The following WNK2 variants were observed in gnomAD, a reference collection of about 807,000 sequenced individuals.
WNK2 encodes the protein serine/threonine-protein kinase WNK2.
In WNK2, 67 loss-of-function variants were observed where a neutral mutation model predicts 192.1. The observed-to-expected ratio is 0.35, with a 90% CI of 0.29 to 0.43. WNK2 has a LOEUF of 0.43. Ranked by LOEUF, WNK2 falls within the 20% of genes least tolerant of loss-of-function variation. The pLI is 1.00. For synonymous variants in WNK2, 1,439 were observed against 1,393.9 expected (o/e 1.03, Z -0.72); for missense variants, 2,698 against 3,089.7 (o/e 0.87, Z 3.01).
rs552696985 is a variant in WNK2, at chr9:93,256,479, A to G, written c.2190+25A>G. 3.7e-5 allele frequency: 55 copies of G among 1,497,934 alleles called. No individual in the cohort carries two copies. The South Asian group carries it at 6.3e-4, about 17-fold the overall frequency. 92.8% of individuals were successfully genotyped at this position (1,497,934 alleles called of 1,614,324 possible). ...GGTGAGTGTGGCACCTCCTGTGGCC[A>G]CTGTCCCTCCAGGCAGGCAGTCACC... On this transcript the variant is annotated intron_variant, in intron 10 of 29. Coordinates refer to ENST00000427277, the MANE Select transcript of WNK2 (RefSeq NM_006648.4).
At chr9:93,318,044 C>T (rs372704041) in intron 29 of WNK2, 17 of 1,612,254 alleles carry the variant, frequency 1.1e-5, no homozygotes, top group East Asian at 6.7e-5. Flanking sequence ...GTGGTCCACG[C>T]GCCGTCTCCA....
chr9:93,268,296 G>T (rs910956349), intron 18 of WNK2, among the ~76,000 whole-genome samples: 16 of 152,200 alleles, frequency 1.1e-4, no homozygotes, highest in Admixed American at 1.0e-3. Flanking sequence ...TACGCGAGGG[G>T]TCCTCTCGGG....
Position 93,268,691 on chromosome 9 carries a change from C to A in WNK2, c.3978C>A (p.Ala1326=). Residue 1326 remains alanine, a synonymous_variant, in exon 19 of 30, where the codon GCC becomes GCA. Transcript: ENST00000427277. ...CPVAEHPAPE[A]PESSPPLPLS... ...TGGCTGAGCACCCCGCCCCCGAGGC[C>A]CCTGAATCTTCGCCCCCACTTCCTC... is the stretch of plus-strand genomic sequence containing the variant. 6.2e-7 allele frequency: 1 copy of A among 1,613,538 alleles called. No individual in the cohort carries two copies. The highest frequency in any genetic ancestry group is 2.2e-5 in the East Asian group (1 of 44,842).
rs556105325 is a variant in WNK2 at position 93,241,872 on chromosome 9, G to A, written c.1542+1896G>A. 3.9e-5 allele frequency among the ~76,000 whole-genome samples: 6 copies of A among 152,068 alleles called. No homozygotes were observed. The East Asian group carries it at 7.7e-4, about 20-fold the overall frequency. On this transcript the variant is annotated intron_variant, in intron 7 of 29. Transcript: ENST00000427277. The stretch of plus-strand genomic sequence containing the variant: ...TCTCAGCTGGACTTCCTGCAGCCGC[G>A]ACCCCTGAGGAAGGAAGCAGGTGGA...
intron 19 of WNK2, among the ~76,000 whole-genome samples, chr9:93,270,532 T>G: frequency 6.6e-6 from 1 of 152,222 alleles, no homozygotes; most frequent in Non-Finnish European, 1.5e-5. Context: ...TTCAAAGTGC[T>G]ACTGAGCTGG....
intron 26 of WNK2, among the ~76,000 whole-genome samples, chr9:93,303,347 C>T (rs569741824): frequency 7.4e-4 from 112 of 152,276 alleles, no homozygotes; most frequent in Non-Finnish European, 1.3e-3. Context: ...CTGGATCTTC[C>T]CACCTGACCG....
intron 2 of WNK2, among the ~76,000 whole-genome samples, chr9:93,203,511 C>T (rs1299657860): frequency 2.6e-5 from 4 of 152,158 alleles, no homozygotes; most frequent in African/African-American, 9.7e-5. Context: ...GGAGTGGCTG[C>T]GGGGTCCAGG....
chr9:93,186,646 ACT>A (rs1564251692), intron 2 of WNK2, among the ~76,000 whole-genome samples: 1 of 152,098 alleles, frequency 6.6e-6, no homozygotes. Flanking sequence ...ACACTGCGGG[ACT>A]CTTGCATTTT....
chr9:93,304,111 GT>G (rs1340764210), intron 26 of WNK2, among the ~76,000 whole-genome samples: 1 of 152,218 alleles, frequency 6.6e-6, no homozygotes, highest in Non-Finnish European at 1.5e-5. Context: ...CCACTTTTTA[GT>G]CCCCCTGTCC....
At chr9:93,204,057 G>C (rs889061562) in intron 2 of WNK2, among the ~76,000 whole-genome samples, 1 of 152,102 alleles carries the variant, frequency 6.6e-6, no homozygotes, top group African/African-American at 2.4e-5. Context: ...GTGTGTGGTG[G>C]GGGTGTGGGG....
chr9:93,301,459 C>T (rs369261475), intron 26 of WNK2, among the ~76,000 whole-genome samples: 1 of 152,180 alleles, frequency 6.6e-6, no homozygotes, highest in Non-Finnish European at 1.5e-5. Flanking sequence ...CAGGGCTTCC[C>T]GTTCGCCTGT....
chr9:93,303,412 G>T (rs559072624), intron 26 of WNK2, among the ~76,000 whole-genome samples: 4 of 152,212 alleles, frequency 2.6e-5, no homozygotes, highest in African/African-American at 7.2e-5. Flanking sequence ...ATCTCTTTGG[G>T]TTTTCTCCAC....
At chr9:93,240,621 AG>A (rs923087604) in intron 7 of WNK2, among the ~76,000 whole-genome samples, 1 of 152,126 alleles carries the variant, frequency 6.6e-6, no homozygotes, top group Non-Finnish European at 1.5e-5. Context: ...ACAGGGCCAC[AG>A]GCACAGGCAG....
intron 23 of WNK2, among the ~76,000 whole-genome samples, chr9:93,297,096 C>T (rs780973837): frequency 5.6e-5 from 8 of 141,942 alleles, no homozygotes; most frequent in Admixed American, 3.5e-4. Context: ...TTCCTCCCCT[C>T]GGCTTCCTCC....
intron 2 of WNK2, among the ~76,000 whole-genome samples, chr9:93,198,877 C>T (rs2131190955): frequency 6.6e-6 from 1 of 152,320 alleles, no homozygotes; most frequent in African/African-American, 2.4e-5. Flanking sequence ...CCTTGCTGCC[C>T]AAGACCTGCA....
intron 29 of WNK2, 127 bp from the exon 30 acceptor site, chr9:93,320,240 G>T: frequency 9.6e-7 from 1 of 1,044,270 alleles, no homozygotes; most frequent in Non-Finnish European, 1.3e-6. Flanking sequence ...TACACAGGGC[G>T]TGGGTCATGG....
chr9:93,222,662 G>A (rs912536696), intron 2 of WNK2, among the ~76,000 whole-genome samples: 1 of 152,126 alleles, frequency 6.6e-6, no homozygotes, highest in South Asian at 2.1e-4. Flanking sequence ...GTGGTGTCGG[G>A]AAAAATGTTC....
chr9:93,316,845 G>A (rs1196249815), intron 28 of WNK2: 1 of 153,350 alleles, frequency 6.5e-6, no homozygotes, highest in African/African-American at 2.4e-5. Context: ...CGGTTCCATA[G>A]AGGACCTTCC....
At chr9:93,289,682 G>GC in intron 20 of WNK2, 62 bp downstream of exon 20, 3 of 1,398,934 alleles carry the variant, frequency 2.1e-6, no homozygotes, top group Non-Finnish European at 1.9e-6. Context: ...CCGGGCGCAG[G>GC]CCCGGGGGTG....
Sources: gnomAD v4.1 joint callset for allele counts (sites outside exome capture counted in the v4.1 genomes callset) on GRCh38, gnomAD v4.1.1 for gene constraint, MANE v1.5 for transcripts, NCBI Gene and HGNC (gene_info 2026-07-23, HGNC 2026-07-21) for gene names.